ENOX2: variants seen among roughly 807,000 people sequenced by gnomAD.
The protein encoded by ENOX2 is ecto-NOX disulfide-thiol exchanger 2, also known as APK1 antigen.
In ENOX2, 36 loss-of-function variants were observed where a neutral mutation model predicts 45.0. The observed-to-expected ratio is 0.80, with a 90% CI of 0.61 to 1.06. The LOEUF (loss-of-function observed/expected upper bound fraction) is 1.06, where lower values mean the gene tolerates loss of function less well. Among genes scored for constraint, ENOX2 ranks in the 50% least tolerant of loss-of-function variants. The pLI, the probability that ENOX2 is intolerant of heterozygous loss-of-function variation, is 0.00. For missense variants in ENOX2, 423 were observed against 462.5 expected, an observed-to-expected ratio of 0.91 and a Z score of 0.78; for synonymous variants, 174 against 152.3, an observed-to-expected ratio of 1.14 and a Z score of -1.05.
intron 2 of ENOX2, among the ~76,000 whole-genome samples, chrX:130,785,154 C>T (rs1414047768): frequency 9.3e-6 from 1 of 107,733 alleles, no homozygotes; most frequent in East Asian, 3.0e-4. Flanking sequence ...GGAGAAACCC[C>T]GTCTGTACTA....
intron 3 of ENOX2, among the ~76,000 whole-genome samples, chrX:130,759,577 CAAAA>C (rs753411112): frequency 4.0e-4 from 8 of 19,940 alleles, no homozygotes; most frequent in Admixed American, 1.1e-3. Context: ...GACTATGTAC[CAAAA>C]AAAAAAAAAA....
chrX:130,759,645 C>T (rs2039434609), intron 3 of ENOX2, among the ~76,000 whole-genome samples: 1 of 102,974 alleles, frequency 9.7e-6, no homozygotes, highest in South Asian at 4.6e-4. Flanking sequence ...TCTCTGTTCT[C>T]TATTCTGTTC....
At chrX:130,830,733 T>C (rs1420021750) in intron 2 of ENOX2, among the ~76,000 whole-genome samples, 2 of 111,808 alleles carry the variant, frequency 1.8e-5, no homozygotes, top group African/African-American at 6.5e-5. Flanking sequence ...ATCTTGAATC[T>C]GTACATTTTT....
At chrX:130,654,867 G>C (rs1016683350) in intron 10 of ENOX2, among the ~76,000 whole-genome samples, 1 of 112,077 alleles carries the variant, frequency 8.9e-6, no homozygotes, top group African/African-American at 3.2e-5. Flanking sequence ...AAGAGACACA[G>C]AAGCAAAATG....
At chrX:130,778,501 C>T (rs1240746200) in intron 3 of ENOX2, among the ~76,000 whole-genome samples, 2 of 111,540 alleles carry the variant, frequency 1.8e-5, no homozygotes, top group African/African-American at 3.3e-5. Flanking sequence ...CTCTGGAGGT[C>T]CTTATTTAAT....
chrX:130,625,103 A>G lies in ENOX2; in HGVS notation c.*211T>C. 2 of 377,233 alleles carry G rather than the reference A, an allele frequency of 5.3e-6. No individual in the cohort carries two copies. Among genetic ancestry groups the G allele is most frequent in the Non-Finnish European group, 9.2e-6 (2 of 217,721 alleles). The allele number at this position is 377,233 out of a possible 1,213,427, so 31.1% of individuals were successfully genotyped here. A position where few individuals can be genotyped will look rare whatever the true frequency, so the allele number is the denominator to read the frequency against. ...CAATTGACAGAAAGGGGAGGAAGTT[A>G]CAGCACTTGTGGTTTGAGGCAATTT... On this transcript the variant is annotated 3_prime_UTR_variant, in exon 15 of 15. Coordinates refer to ENST00000394363, the MANE Select transcript of ENOX2 (RefSeq NM_006375.4).
chrX:130,657,601 C>T (rs1325624622), intron 9 of ENOX2, among the ~76,000 whole-genome samples: 1 of 112,483 alleles, frequency 8.9e-6, no homozygotes, highest in Non-Finnish European at 1.9e-5. Context: ...AGATTCCCAA[C>T]AGCACAGCTA....
Position 130,689,006 on chromosome X carries a change from G to A in ENOX2, c.110C>T (p.Ala37Val), listed in dbSNP as rs1336145294. The A allele has an allele frequency of 8.3e-7, 1 of 1,205,022 alleles. No individual in the cohort carries two copies. Among genetic ancestry groups the A allele is most frequent in the Non-Finnish European group, 1.1e-6 (1 of 892,384 alleles). ...TGGAATTCCAGTCATCATTCCAAGA[G>A]CAGGATCAAAGTCTAAAAAAGGAGA... The part of the protein sequence containing the change: ...GQPILPDFDP[A>V]LGMMTGIPPI... The change falls in exon 5 of 15, where the codon GCT becomes GTT. Residue 37 changes from alanine to valine, a missense_variant. Ala to Val is a moderately conservative substitution (Grantham distance 64). Transcript: ENST00000394363.
Position 130,649,043 on chromosome X carries a change from C to CAAAA in ENOX2, c.1129+7534_1129+7537dup, listed in dbSNP as rs35154919. 3.8e-3 allele frequency among the ~76,000 whole-genome samples: 26 copies of CAAAA among 6,797 alleles called. 2 individuals are homozygous for CAAAA. Among genetic ancestry groups the CAAAA allele is most frequent in the Non-Finnish European group, 7.9e-3 (22 of 2,782 alleles). The allele number at this position is 6,797 out of a possible 115,157, so 5.9% of individuals were successfully genotyped here. On this transcript the variant is annotated intron_variant, in intron 10 of 14. Transcript: ENST00000394363. ...CTGGTGACAGTGGGAGACTCCATAT[C>CAAAA]AAAAAAAAAAAAAAAAAAAAAAAAA...
intron 2 of ENOX2, among the ~76,000 whole-genome samples, chrX:130,843,920 G>C (rs2078056352): frequency 8.9e-6 from 1 of 112,216 alleles, no homozygotes; most frequent in Non-Finnish European, 1.9e-5. Context: ...TAAGTTCCTT[G>C]AGGTCAGGGA....
At chrX:130,815,448 C>A (rs1192663244) in intron 2 of ENOX2, among the ~76,000 whole-genome samples, 1 of 111,701 alleles carries the variant, frequency 9.0e-6, no homozygotes, top group Admixed American at 9.5e-5. Flanking sequence ...ATATAATCAT[C>A]AGATTCACCA....
chrX:130,753,006 G>T (rs2039263677), intron 3 of ENOX2, among the ~76,000 whole-genome samples: 1 of 110,329 alleles, frequency 9.1e-6, no homozygotes, highest in African/African-American at 3.3e-5. Flanking sequence ...TCATCTCTCT[G>T]CAATACCCGC....
intron 3 of ENOX2, among the ~76,000 whole-genome samples, chrX:130,724,946 G>A (rs954626357): frequency 9.0e-6 from 1 of 110,842 alleles, no homozygotes; most frequent in Non-Finnish European, 1.9e-5. Context: ...AGTGCATATT[G>A]GCTGACTATC....
chrX:130,890,931 C>A (rs2078974046), intron 2 of ENOX2, among the ~76,000 whole-genome samples: 1 of 113,047 alleles, frequency 8.8e-6, no homozygotes, highest in Non-Finnish European at 1.9e-5. Context: ...TCTATGCCAA[C>A]TGTGGAATTT....
At chrX:130,709,637 CAAA>C (rs60183563) in intron 3 of ENOX2, among the ~76,000 whole-genome samples, 3 of 30,136 alleles carry the variant, frequency 1.0e-4, no homozygotes. Context: ...GACTCTGTCT[CAAA>C]AAAAAAAAAA....
At chrX:130,875,052 T>C (rs2078670088) in intron 2 of ENOX2, among the ~76,000 whole-genome samples, 1 of 111,870 alleles carries the variant, frequency 8.9e-6, no homozygotes, top group South Asian at 3.7e-4. Flanking sequence ...TTATATTACA[T>C]ATTTATACCA....
intron 6 of ENOX2, among the ~76,000 whole-genome samples, chrX:130,673,852 CAAG>C (rs1175340236): frequency 8.9e-6 from 1 of 111,851 alleles, no homozygotes; most frequent in African/African-American, 3.2e-5. Context: ...AGATATTTTG[CAAG>C]AAGAATATCA....
At chrX:130,873,422 A>G (rs1276192457) in intron 2 of ENOX2, among the ~76,000 whole-genome samples, 4 of 112,183 alleles carry the variant, frequency 3.6e-5, no homozygotes, top group African/African-American at 1.3e-4. Context: ...GTGGAGAAAT[A>G]GGAACACTTT....
chrX:130,802,266 A>G (rs1411829975), intron 2 of ENOX2, among the ~76,000 whole-genome samples: 1 of 112,144 alleles, frequency 8.9e-6, no homozygotes, highest in Non-Finnish European at 1.9e-5. Context: ...AGCAAGCCAC[A>G]TTATTTTTTT....
Sources: gnomAD v4.1 joint callset for allele counts (sites outside exome capture counted in the v4.1 genomes callset) on GRCh38, gnomAD v4.1.1 for gene constraint, MANE v1.5 for transcripts, NCBI Gene and HGNC (gene_info 2026-07-23, HGNC 2026-07-21) for gene names.